The following ZNF333 variants were observed in gnomAD, a reference collection of about 807,000 sequenced individuals.
The protein encoded by ZNF333 is zinc finger protein 333.
A neutral mutation model predicts 76.1 loss-of-function variants in ZNF333; 61 were observed. The ratio of observed to expected loss-of-function variants is 0.80; its 90% CI spans 0.65 to 0.99. The LOEUF (loss-of-function observed/expected upper bound fraction) is 0.99, where lower values mean the gene tolerates loss of function less well. Among genes scored for constraint, ZNF333 ranks in the 50% least tolerant of loss-of-function variants. The probability of loss-of-function intolerance (pLI) is 0.00; values close to 1 mark genes in which losing one functional copy is unlikely to be tolerated. For synonymous variants in ZNF333, 284 were observed against 305.0 expected, an observed-to-expected ratio of 0.93 and a Z score of 0.72; for missense variants, 717 against 822.4, an observed-to-expected ratio of 0.87 and a Z score of 1.57.
chr19:14,725,891 C>G (rs538036492), downstream of ZNF333, among the ~76,000 whole-genome samples: 327 of 152,290 alleles, frequency 2.1e-3, 4 homozygotes, highest in Non-Finnish European at 2.7e-3. Context: ...ATTCTGGGGT[C>G]TGGAGGGAGG....
intron 1 of ZNF333, among the ~76,000 whole-genome samples, chr19:14,691,747 G>T (rs1210119759): frequency 1.4e-5 from 2 of 143,854 alleles, no homozygotes; most frequent in Admixed American, 7.3e-5. Flanking sequence ...CACAATCTCG[G>T]CTCACTGCAG....
intron 1 of ZNF333, among the ~76,000 whole-genome samples, chr19:14,691,866 G>A (rs1006890516): frequency 4.0e-5 from 6 of 151,868 alleles, no homozygotes; most frequent in Non-Finnish European, 1.5e-5. Context: ...TAGTAGAGAC[G>A]GGGTTTCACC....
intron 7 of ZNF333, 85 bp downstream of exon 7, chr19:14,706,858 G>A (rs2042125653): frequency 2.5e-6 from 3 of 1,186,806 alleles, no homozygotes; most frequent in Non-Finnish European, 3.6e-6. Flanking sequence ...TATCCTGCCT[G>A]CATTTCCTCT....
chr19:14,699,449 A>G, intron 5 of ZNF333, 168 bp downstream of exon 5: 1 of 572,556 alleles, frequency 1.7e-6, no homozygotes, highest in Non-Finnish European at 3.1e-6. Context: ...GGGCAAACCC[A>G]GACTGTTGCT....
intron 5 of ZNF333, chr19:14,701,931 A>G: frequency 1.0e-6 from 1 of 981,618 alleles, no homozygotes; most frequent in Non-Finnish European, 1.2e-6. Context: ...ACCCAGACCT[A>G]ACCGCAGAGA....
chr19:14,707,416 A>G (rs529685068), intron 7 of ZNF333, among the ~76,000 whole-genome samples: 2 of 148,366 alleles, frequency 1.3e-5, no homozygotes, highest in South Asian at 2.2e-4. Context: ...CTCTAAAGAA[A>G]TAGGTTCAAA....
intron 5 of ZNF333, among the ~76,000 whole-genome samples, chr19:14,703,425 G>A (rs1259389413): frequency 2.0e-5 from 3 of 152,140 alleles, no homozygotes; most frequent in Non-Finnish European, 2.9e-5. Flanking sequence ...TAGGCAGAAC[G>A]CCTAAAAACA....
chr19:14,692,171 A>G (rs1016663007), intron 1 of ZNF333, among the ~76,000 whole-genome samples: 1 of 152,216 alleles, frequency 6.6e-6, no homozygotes, highest in African/African-American at 2.4e-5. Context: ...CTAGCTAATA[A>G]TATTGGTAAA....
chr19:14,732,469 T>G (rs1452484608), exon 12 of ZNF333: 1 of 152,096 alleles, frequency 6.6e-6, no homozygotes, highest in Non-Finnish European at 1.5e-5. Flanking sequence ...ATCTCTGAGG[T>G]GTGTCTGTAT....
intron 8 of ZNF333, among the ~76,000 whole-genome samples, 166 bp downstream of exon 8, chr19:14,715,636 C>G (rs140747369): frequency 1.4e-4 from 21 of 152,308 alleles, no homozygotes; most frequent in African/African-American, 5.1e-4. Context: ...CATGATCCCA[C>G]CACCTCATTC....
At chr19:14,725,745 T>A (rs1281192221), downstream of ZNF333, among the ~76,000 whole-genome samples, 1 of 152,230 alleles carries the variant, frequency 6.6e-6, no homozygotes, top group Non-Finnish European at 1.5e-5. Flanking sequence ...TAGTGCAAGA[T>A]ATGGGATCTC....
At position 14,693,439 on chromosome 19, in the gene ZNF333, C is replaced by T; in HGVS notation, c.-41-12C>T. The T allele has an allele frequency of 6.3e-7, 1 of 1,583,808 alleles. No individual in the cohort carries two copies. Reference sequence around the variant, plus strand: ...CACCCCTTCTTTTACCTCAGTGTCTCCTTTATTGCAGGGAGAACACCGACT... The same window carrying T: ...CACCCCTTCTTTTACCTCAGTGTCTTCTTTATTGCAGGGAGAACACCGACT... On this transcript the variant is annotated splice_polypyrimidine_tract_variant and intron_variant, in intron 1 of 11. Coordinates refer to ENST00000292530, the MANE Select transcript of ZNF333 (RefSeq NM_032433.4).
At chr19:14,722,328 A>G (rs1055990148), downstream of ZNF333, among the ~76,000 whole-genome samples, 6 of 152,184 alleles carry the variant, frequency 3.9e-5, no homozygotes, top group Admixed American at 6.5e-5. Flanking sequence ...TCTTTGGCCA[A>G]TGGAGTGTTG....
intron 7 of ZNF333, among the ~76,000 whole-genome samples, chr19:14,709,998 C>G (rs1172447397): frequency 3.9e-5 from 6 of 152,200 alleles, no homozygotes. Flanking sequence ...GAGAGGATAT[C>G]AGGCTTAGGA....
chr19:14,692,821 ATTCTTTT>A (rs1972872836), intron 1 of ZNF333, among the ~76,000 whole-genome samples: 1 of 121,156 alleles, frequency 8.3e-6, no homozygotes, highest in African/African-American at 3.6e-5. Flanking sequence ...CCTGGACCTT[ATTCTTTT>A]TTTTTTTTTC....
chr19:14,732,459 A>G (rs2042680118), exon 12 of ZNF333: 1 of 152,166 alleles, frequency 6.6e-6, no homozygotes, highest in African/African-American at 2.4e-5. Flanking sequence ...AGCCTGCAAT[A>G]TCTCTGAGGT....
At chr19:14,716,883 A>T in intron 9 of ZNF333, 111 bp from the exon 10 acceptor site, 1 of 904,912 alleles carries the variant, frequency 1.1e-6, no homozygotes, top group Non-Finnish European at 1.7e-6. Flanking sequence ...ATTTAGGCAC[A>T]TGCATTTTGC....
intron 4 of ZNF333, 128 bp from the exon 5 acceptor site, chr19:14,699,071 C>A: frequency 1.6e-6 from 1 of 615,446 alleles, no homozygotes; most frequent in Non-Finnish European, 2.7e-6. Flanking sequence ...TTATATTCAA[C>A]ATTAAAAGAA....
Position 14,721,024 on chromosome 19 carries a change from T to C in ZNF333, c.*1699T>C. 5.8e-6 allele frequency: 5 copies of C among 862,494 alleles called. No homozygotes were observed. Among genetic ancestry groups the C allele is most frequent in the Non-Finnish European group, 7.0e-6 (5 of 718,212 alleles). 53.4% of individuals were successfully genotyped at this position (862,494 alleles called of 1,614,324 possible). A position where few individuals can be genotyped will look rare whatever the true frequency, so the allele number is the denominator to read the frequency against. On this transcript the variant is annotated 3_prime_UTR_variant, in exon 12 of 12. Transcript: ENST00000292530. ...TTCCCTATTACTGAACATTCAACCA[T>C]TCATTGTAATGATAGTAAATACTTA...
Sources: allele counts gnomAD v4.1 joint callset (sites outside exome capture counted in the v4.1 genomes callset), GRCh38; gene constraint gnomAD v4.1.1; transcripts MANE v1.5; gene names NCBI Gene and HGNC (gene_info 2026-07-23, HGNC 2026-07-21).